The following LMBR1 variants were observed in gnomAD, a reference collection of about 807,000 sequenced individuals.
LMBR1 encodes the protein limb region 1 protein homolog.
In LMBR1, 52 loss-of-function variants were observed where a neutral mutation model predicts 73.9. The observed-to-expected ratio is 0.70, with a 90% CI of 0.56 to 0.89. The LOEUF is 0.89. Ranked by LOEUF, LMBR1 falls within the 40% of genes least tolerant of loss-of-function variation. LMBR1 has a pLI of 0.00. For synonymous variants in LMBR1, 215 were observed against 209.4 expected (o/e 1.03, Z -0.23); for missense variants, 539 against 579.8 (o/e 0.93, Z 0.72).
chr7:156,753,174 C>G (rs932286970), intron 9 of LMBR1, among the ~76,000 whole-genome samples: 3 of 151,956 alleles, frequency 2.0e-5, no homozygotes, highest in Non-Finnish European at 4.4e-5. Flanking sequence ...ACCACAGGGA[C>G]AGGCAAGGAG....
At chr7:156,719,641 G>A (rs1354493863) in intron 15 of LMBR1, among the ~76,000 whole-genome samples, 5 of 151,880 alleles carry the variant, frequency 3.3e-5, no homozygotes, top group South Asian at 2.1e-4. Context: ...AGCCCGCATC[G>A]CCAAGTCAAT....
At chr7:156,741,557 G>A (rs1818897845) in intron 9 of LMBR1, among the ~76,000 whole-genome samples, 1 of 152,168 alleles carries the variant, frequency 6.6e-6, no homozygotes, top group Admixed American at 6.5e-5. Context: ...AAGAGACACA[G>A]AAGGTCACTA....
intron 1 of LMBR1, among the ~76,000 whole-genome samples, chr7:156,868,997 A>C (rs190233796): frequency 4.6e-5 from 7 of 152,326 alleles, no homozygotes; most frequent in Admixed American, 4.6e-4. Flanking sequence ...CTGGCATTGC[A>C]CAATATAAAG....
Position 156,728,638 on chromosome 7 carries a change from T to G in LMBR1, c.915+6A>C. 1 of 1,578,034 alleles carries G rather than the reference T, an allele frequency of 6.3e-7. No individual in the cohort carries two copies. Among genetic ancestry groups the G allele is most frequent in the South Asian group, 1.2e-5 (1 of 83,906 alleles). On this transcript the variant is annotated splice_donor_region_variant and intron_variant, in intron 11 of 16. Coordinates refer to ENST00000353442, the MANE Select transcript of LMBR1 (RefSeq NM_022458.4). ...CTTTTATTTAACTAGGCAAATAAAT[T>G]CTTACTGTCTCAATAAGAAGGAGAA...
chr7:156,838,876 C>G (rs1366494266), intron 1 of LMBR1, among the ~76,000 whole-genome samples: 1 of 152,058 alleles, frequency 6.6e-6, no homozygotes, highest in Non-Finnish European at 1.5e-5. Flanking sequence ...CTTCATCAAC[C>G]CTTGTTATCT....
chr7:156,752,739 A>C (rs1330565060), intron 9 of LMBR1, among the ~76,000 whole-genome samples: 5 of 152,182 alleles, frequency 3.3e-5, no homozygotes, highest in Non-Finnish European at 5.9e-5. Flanking sequence ...GAGAATGTAA[A>C]GTTAATTTAG....
intron 12 of LMBR1, chr7:156,726,079 T>C (rs1815686826): frequency 2.7e-6 from 1 of 375,870 alleles, no homozygotes; most frequent in African/African-American, 2.1e-5. Flanking sequence ...GTAATTTAAG[T>C]TACTTGTCAA....
At chr7:156,774,154 C>T (rs117562153) in intron 5 of LMBR1, among the ~76,000 whole-genome samples, 6,018 of 152,034 alleles carry the variant, frequency 0.04, 174 homozygotes, top group Non-Finnish European at 0.049. Context: ...AAATAAAAAC[C>T]ACAATGACAC....
In LMBR1 at chr7:156,824,441, C is replaced by T. The variant is rs188573991; in HGVS notation, c.319+2164G>A. 7.2e-4 allele frequency among the ~76,000 whole-genome samples: 110 copies of T among 152,218 alleles called. 1 individual carries two copies. The highest frequency in any genetic ancestry group is 1.1e-3 in the Admixed American group (17 of 15,296). On this transcript the variant is annotated intron_variant, in intron 4 of 16. Transcript: ENST00000353442. The stretch of plus-strand genomic sequence containing the variant: ...TAGTAATCTCTTAAATTTAAACTTG[C>T]TTTTTCTTCCACTGGATTACAGCAC...
chr7:156,688,483 T>A (rs748896980), intron 15 of LMBR1, among the ~76,000 whole-genome samples: 2 of 152,046 alleles, frequency 1.3e-5, no homozygotes, highest in Non-Finnish European at 2.9e-5. Context: ...ATGTTAAAAA[T>A]CAAGCACTCG....
chr7:156,852,438 G>A (rs1796360972), intron 1 of LMBR1, among the ~76,000 whole-genome samples: 1 of 152,238 alleles, frequency 6.6e-6, no homozygotes, highest in South Asian at 2.1e-4. Context: ...TGTACTATCT[G>A]ATGGATAGCA....
At chr7:156,740,598 T>C (rs1166526543) in intron 9 of LMBR1, among the ~76,000 whole-genome samples, 4 of 152,180 alleles carry the variant, frequency 2.6e-5, no homozygotes, top group Non-Finnish European at 5.9e-5. Context: ...ATGACATGTA[T>C]AAAGTGCTGA....
At position 156,831,258 on chromosome 7, in the gene LMBR1, C is replaced by G. The variant is rs1836621915; in HGVS notation, c.179+2495G>C. ...ACATTAATTTCACCCCTAATTGTAT[C>G]AAGCACCCTACCCTAGATTTTTTTT... is the stretch of plus-strand genomic sequence containing the variant. On this transcript the variant is annotated intron_variant, in intron 3 of 16. Coordinates refer to ENST00000353442, the MANE Select transcript of LMBR1 (RefSeq NM_022458.4). 2.7e-5 allele frequency among the ~76,000 whole-genome samples: 4 copies of G among 148,096 alleles called. No homozygotes were observed. The Admixed American group carries it at 2.7e-4, about 10-fold the overall frequency.
chr7:156,695,363 A>C (rs1348618367), intron 15 of LMBR1, among the ~76,000 whole-genome samples: 1 of 152,230 alleles, frequency 6.6e-6, no homozygotes, highest in Non-Finnish European at 1.5e-5. Context: ...GAAATACTTC[A>C]GACTGGGTAA....
At chr7:156,829,880 T>C (rs979207587) in intron 3 of LMBR1, among the ~76,000 whole-genome samples, 1 of 152,220 alleles carries the variant, frequency 6.6e-6, no homozygotes, top group Non-Finnish European at 1.5e-5. Context: ...TCATCCTCCC[T>C]CTAGCTGCTG....
At chr7:156,775,896 G>C (rs1826040753) in intron 5 of LMBR1, among the ~76,000 whole-genome samples, 1 of 151,876 alleles carries the variant, frequency 6.6e-6, no homozygotes, top group African/African-American at 2.4e-5. Flanking sequence ...GAAGTAAATT[G>C]CTTGGGTCCA....
intron 1 of LMBR1, among the ~76,000 whole-genome samples, chr7:156,850,537 A>C (rs937849492): frequency 1.6e-4 from 24 of 152,208 alleles, no homozygotes; most frequent in African/African-American, 3.4e-4. Flanking sequence ...AAAATCATAC[A>C]GTATGTGCCT....
At chr7:156,803,165 CT>C (rs1350218460) in intron 4 of LMBR1, among the ~76,000 whole-genome samples, 1 of 152,136 alleles carries the variant, frequency 6.6e-6, no homozygotes, top group African/African-American at 2.4e-5. Flanking sequence ...TCTAATTAAA[CT>C]CAAGAGCTTC....
chr7:156,813,847 C>G (rs541432378), intron 4 of LMBR1, among the ~76,000 whole-genome samples: 148 of 152,188 alleles, frequency 9.7e-4, no homozygotes, highest in African/African-American at 3.3e-3. Context: ...TCAGAAAAAA[C>G]ACCATCTCTT....
Sources: allele counts gnomAD v4.1 joint callset (sites outside exome capture counted in the v4.1 genomes callset), GRCh38; gene constraint gnomAD v4.1.1; transcripts MANE v1.5; gene names NCBI Gene and HGNC (gene_info 2026-07-23, HGNC 2026-07-21).